Variants in BTG4 observed in about 807,000 individuals in gnomAD.
BTG4 encodes the protein protein BTG4.
A neutral mutation model predicts 19.3 loss-of-function variants in BTG4; 10 were observed. The ratio of observed to expected loss-of-function variants is 0.52; its 90% confidence interval spans 0.32 to 0.88. The LOEUF (loss-of-function observed/expected upper bound fraction) is 0.88. BTG4 is among the 40% of genes least tolerant of loss of function. The probability of loss-of-function intolerance (pLI) is 0.04; values close to 1 mark genes in which losing one functional copy is unlikely to be tolerated. For synonymous variants in BTG4, 91 were observed against 95.7 expected, an observed-to-expected ratio of 0.95 and a Z score of 0.29; for missense variants, 238 against 281.9, an observed-to-expected ratio of 0.84 and a Z score of 1.11.
the BTG4 span, chr11:111,397,146 AC>A: frequency 6.6e-6 from 1 of 152,164 alleles, no homozygotes; most frequent in African/African-American, 2.4e-5. Context: ...TCCGTATGAC[AC>A]CCATCTCCTG....
chr11:111,466,392 G>T (rs1262234569), downstream of BTG4, among the ~76,000 whole-genome samples: 4 of 152,202 alleles, frequency 2.6e-5, no homozygotes, highest in East Asian at 7.7e-4. Flanking sequence ...TTTGCTGAAT[G>T]CTTTCTATGT....
chr11:111,434,807 C>T, the BTG4 span, among the ~76,000 whole-genome samples: 1 of 152,122 alleles, frequency 6.6e-6, no homozygotes, highest in Non-Finnish European at 1.5e-5. Context: ...GAGGACCACC[C>T]ATCCAGGAAG....
intron 5 of BTG4, among the ~76,000 whole-genome samples, chr11:111,484,809 C>T (rs1864957336): frequency 6.6e-6 from 1 of 152,102 alleles, no homozygotes; most frequent in Non-Finnish European, 1.5e-5. Context: ...TTTAAATGGA[C>T]TGAATTCTCC....
In BTG4 at chr11:111,512,178, T is replaced by G. The variant is rs887785596; in HGVS notation, c.-27+3A>C. 7 of 152,146 alleles carry G rather than the reference T, an allele frequency of 4.6e-5. No homozygotes were observed. Among genetic ancestry groups the G allele is most frequent in the Non-Finnish European group, 7.3e-5 (5 of 68,032 alleles). 9.4% of individuals were successfully genotyped at this position (152,146 alleles called of 1,614,324 possible). A position where few individuals can be genotyped will look rare whatever the true frequency, so the allele number is the denominator to read the frequency against. On this transcript the variant is annotated splice_donor_region_variant and intron_variant, in intron 1 of 4. Transcript: ENST00000692032. Reference sequence around the variant, plus strand: ...GAAAATTCAAACCTATAATTTGAGGTACCTGGGAAGCCGCTTTCCCAGGGC... The same window carrying G: ...GAAAATTCAAACCTATAATTTGAGGGACCTGGGAAGCCGCTTTCCCAGGGC...
chr11:111,514,662 C>G (rs2135769399), upstream of BTG4: 5 of 747,572 alleles, frequency 6.7e-6, no homozygotes, highest in South Asian at 8.8e-5. Context: ...GATCCCAACA[C>G]CTACCTAGGA....
At chr11:111,438,447 C>T in the BTG4 span, among the ~76,000 whole-genome samples, 24,886 of 152,174 alleles carry the variant, frequency 0.16, 2,138 homozygotes, top group South Asian at 0.25. Flanking sequence ...TCTGTGAAAC[C>T]TTCCTCGACC....
chr11:111,445,407 G>A, the BTG4 span, among the ~76,000 whole-genome samples: 1 of 152,138 alleles, frequency 6.6e-6, no homozygotes, highest in Non-Finnish European at 1.5e-5. Context: ...AGGGTCCGGG[G>A]ATCCTCTGAG....
the BTG4 span, among the ~76,000 whole-genome samples, chr11:111,413,794 AG>A: frequency 6.6e-6 from 1 of 152,256 alleles, no homozygotes; most frequent in African/African-American, 2.4e-5. Flanking sequence ...CTGATCGAAG[AG>A]AAGGGGACAG....
At chr11:111,430,105 A>G in the BTG4 span, among the ~76,000 whole-genome samples, 4 of 152,228 alleles carry the variant, frequency 2.6e-5, no homozygotes, top group African/African-American at 9.6e-5. Context: ...GAGATAGGTC[A>G]CAGTCAATTC....
chr11:111,422,888 T>A, the BTG4 span, among the ~76,000 whole-genome samples: 1 of 152,202 alleles, frequency 6.6e-6, no homozygotes, highest in Non-Finnish European at 1.5e-5. Context: ...CTATAGACTA[T>A]AAAGCAGGTG....
At chr11:111,480,027 A>C (rs150710209) in intron 5 of BTG4, among the ~76,000 whole-genome samples, 112 of 152,250 alleles carry the variant, frequency 7.4e-4, no homozygotes, top group Non-Finnish European at 1.0e-3. Context: ...AATAGTCTAG[A>C]AACACCAGTT....
chr11:111,466,667 G>C (rs753238231), downstream of BTG4: 2 of 152,602 alleles, frequency 1.3e-5, no homozygotes, highest in Admixed American at 1.3e-4. Context: ...AAATTGAGTT[G>C]TGTTGTTAAC....
intron 5 of BTG4, among the ~76,000 whole-genome samples, chr11:111,484,242 A>G (rs1864915527): frequency 6.6e-6 from 1 of 152,202 alleles, no homozygotes; most frequent in Non-Finnish European, 1.5e-5. Flanking sequence ...TCTGAAAAAA[A>G]GGGATGTTAA....
the BTG4 span, chr11:111,450,994 T>C: frequency 5.9e-6 from 1 of 169,732 alleles, no homozygotes; most frequent in African/African-American, 2.3e-5. Flanking sequence ...TGGACTCTTC[T>C]TGGTCACTGA....
At position 111,495,260 on chromosome 11, in the gene BTG4, T is replaced by C; in HGVS notation, c.565A>G (p.Asn189Asp). ...AGGCCAACACGGCCGTCCACCACATTCTTTTTGCGGGGGATTTGTAACCAA... is the reference window on the plus strand; with the variant it reads ...AGGCCAACACGGCCGTCCACCACATCCTTTTTGCGGGGGATTTGTAACCAA... The part of the protein sequence containing the change: ...QSWLQIPRKK[N>D]VVDGRVGLLG... Residue 189 changes from asparagine to aspartate, a missense_variant, in exon 5 of 5, where the codon AAT becomes GAT. Asn to Asp is a conservative substitution (Grantham distance 23, BLOSUM62 1). Transcript: ENST00000692032. The C allele has an allele frequency of 6.2e-7, 1 of 1,610,958 alleles. No homozygotes were observed. The highest frequency in any genetic ancestry group is 8.5e-7 in the Non-Finnish European group (1 of 1,179,166).
chr11:111,469,535 A>C (rs1315393565), intron 5 of BTG4, among the ~76,000 whole-genome samples: 1 of 152,132 alleles, frequency 6.6e-6, no homozygotes, highest in Admixed American at 6.5e-5. Context: ...CATATGACAA[A>C]ATGCACGTAC....
At chr11:111,439,826 G>A in the BTG4 span, among the ~76,000 whole-genome samples, 5 of 152,064 alleles carry the variant, frequency 3.3e-5, no homozygotes, top group South Asian at 4.2e-4. Flanking sequence ...CAGCTCCTCC[G>A]CCCGGTCATT....
chr11:111,388,532 G>A, the BTG4 span, among the ~76,000 whole-genome samples: 1 of 152,062 alleles, frequency 6.6e-6, no homozygotes, highest in Non-Finnish European at 1.5e-5. Context: ...GTGTAGCATG[G>A]AACATCCTTT....
At chr11:111,506,561 C>T (rs1391487064) in intron 1 of BTG4, among the ~76,000 whole-genome samples, 4 of 151,916 alleles carry the variant, frequency 2.6e-5, no homozygotes, top group African/African-American at 4.8e-5. Context: ...AAGCCCAACA[C>T]GCAACATTAT....
Sources: gnomAD v4.1 joint callset for allele counts (sites outside exome capture counted in the v4.1 genomes callset) on GRCh38, gnomAD v4.1.1 for gene constraint, MANE v1.5 for transcripts, NCBI Gene and HGNC (gene_info 2026-07-23, HGNC 2026-07-21) for gene names.